Variants in SDK1 observed in about 807,000 individuals in gnomAD.
SDK1 encodes the protein sidekick cell adhesion molecule 1.
Under a neutral mutation model 245.5 loss-of-function variants are expected in SDK1, and 157 were observed. The observed-to-expected ratio is 0.64, with a 90% CI of 0.56 to 0.73. The LOEUF is 0.73. SDK1 is among the 30% of genes least tolerant of loss of function. The pLI, the probability that SDK1 is intolerant of heterozygous loss-of-function variation, is 0.00. For synonymous variants in SDK1, 1,647 were observed against 1,278.5 expected (o/e 1.29, Z -6.15); for missense variants, 3,583 against 3,002.3 (o/e 1.19, Z -4.52).
chr7:3,506,822 A>G (rs1291086292), intron 1 of SDK1, among the ~76,000 whole-genome samples: 2 of 150,144 alleles, frequency 1.3e-5, no homozygotes, highest in East Asian at 1.9e-4. Flanking sequence ...ATTTAAATAC[A>G]TTACATGTCT....
chr7:3,898,411 C>A (rs1254775641), intron 5 of SDK1, among the ~76,000 whole-genome samples: 1 of 152,158 alleles, frequency 6.6e-6, no homozygotes, highest in African/African-American at 2.4e-5. Context: ...CCCAAAGATT[C>A]TAACTAGCTT....
At chr7:3,753,827 T>G (rs17133785) in intron 4 of SDK1, among the ~76,000 whole-genome samples, 1,881 of 152,306 alleles carry the variant, frequency 0.012, 42 homozygotes, top group African/African-American at 0.043. Flanking sequence ...GTAGCTAGAA[T>G]TGAATACTTG....
intron 32 of SDK1, among the ~76,000 whole-genome samples, chr7:4,171,082 G>C (rs1318987317): frequency 2.6e-5 from 4 of 152,116 alleles, no homozygotes; most frequent in Non-Finnish European, 5.9e-5. Flanking sequence ...GGATTTTATT[G>C]TTTTCCTGGC....
intron 1 of SDK1, among the ~76,000 whole-genome samples, chr7:3,440,314 G>A (rs999632198): frequency 6.6e-6 from 1 of 152,182 alleles, no homozygotes; most frequent in Non-Finnish European, 1.5e-5. Flanking sequence ...AGTTCAGGTT[G>A]CTCAGTGCAA....
chr7:3,751,766 G>C (rs1217176156), intron 4 of SDK1, among the ~76,000 whole-genome samples: 1 of 152,166 alleles, frequency 6.6e-6, no homozygotes, highest in Non-Finnish European at 1.5e-5. Flanking sequence ...AGGTCACCTT[G>C]CCTGGTGATT....
chr7:3,427,475 T>A (rs1463776692), intron 1 of SDK1, among the ~76,000 whole-genome samples: 1 of 145,960 alleles, frequency 6.9e-6, no homozygotes, highest in African/African-American at 2.5e-5. Context: ...GCTGAGATTG[T>A]GCCATTGGAC....
At chr7:4,240,422 C>A (rs2128237872) in intron 42 of SDK1, among the ~76,000 whole-genome samples, 1 of 152,302 alleles carries the variant, frequency 6.6e-6, no homozygotes, top group Non-Finnish European at 1.5e-5. Flanking sequence ...TCCTCCCATC[C>A]TCGTCTGAAT....
intron 4 of SDK1, among the ~76,000 whole-genome samples, chr7:3,653,444 A>G (rs1442321256): frequency 1.3e-5 from 2 of 152,072 alleles, no homozygotes; most frequent in Non-Finnish European, 2.9e-5. Context: ...GATTGCATGG[A>G]GGGGCAGATC....
At position 3,301,756 on chromosome 7, in the gene SDK1, C is replaced by T. The variant is rs1384307756; in HGVS notation, c.170C>T (p.Thr57Ile). The T allele has an allele frequency of 4.1e-6, 4 of 984,086 alleles. No individual in the cohort carries two copies. The highest frequency in any genetic ancestry group is 3.5e-5 in the African/African-American group (2 of 56,452). 61.0% of individuals were successfully genotyped at this position (984,086 alleles called of 1,614,324 possible). A position where few individuals can be genotyped will look rare whatever the true frequency, so the allele number is the denominator to read the frequency against. Residue 57 changes from threonine to isoleucine, a missense_variant, in exon 1 of 45, where the codon ACC becomes ATC. Coordinates refer to ENST00000404826, the MANE Select transcript of SDK1 (RefSeq NM_152744.4). ...EPSRPRAAPE[T>I]SGGDTAGAGR... is the part of the protein sequence containing the mutation. ...TCGCGACCCCGGGCGGCGCCCGAGA[C>T]CTCCGGCGGGGACACGGCGGGCGCG...
chr7:3,579,441 T>C (rs2128632037), intron 1 of SDK1, among the ~76,000 whole-genome samples: 1 of 152,280 alleles, frequency 6.6e-6, no homozygotes, highest in Non-Finnish European at 1.5e-5. Flanking sequence ...ATTATCTCAA[T>C]AGGTGCAGAA....
rs565741863 is a variant in SDK1, at chr7:3,466,288, A to T, written c.299-152792A>T. On this transcript the variant is annotated intron_variant, in intron 1 of 44. Coordinates refer to ENST00000404826, the MANE Select transcript of SDK1 (RefSeq NM_152744.4). ...CGTGTTCTGCAGGCTCTGCCAAAAGACTTTGACCTCACAAGTGAGATGTTC... is the reference window on the plus strand; with the variant it reads ...CGTGTTCTGCAGGCTCTGCCAAAAGTCTTTGACCTCACAAGTGAGATGTTC... Among the ~76,000 whole-genome samples the T allele has an allele frequency of 2.0e-3, 308 of 151,622 alleles. 1 individual carries two copies. Among genetic ancestry groups the T allele is most frequent in the African/African-American group, 7.1e-3 (295 of 41,304 alleles).
At chr7:3,980,996 C>T (rs1783358513) in intron 13 of SDK1, among the ~76,000 whole-genome samples, 1 of 152,012 alleles carries the variant, frequency 6.6e-6, no homozygotes, top group African/African-American at 2.4e-5. Flanking sequence ...TAAGGCACGC[C>T]ATCTTCTATT....
At chr7:3,695,844 G>C (rs1201931946) in intron 4 of SDK1, among the ~76,000 whole-genome samples, 1 of 152,152 alleles carries the variant, frequency 6.6e-6, no homozygotes, top group Non-Finnish European at 1.5e-5. Context: ...TAATCACCTG[G>C]AAGTCATCAC....
chr7:3,315,504 A>C (rs1390114553), intron 1 of SDK1, among the ~76,000 whole-genome samples: 1 of 152,130 alleles, frequency 6.6e-6, no homozygotes, highest in Non-Finnish European at 1.5e-5. Flanking sequence ...ACATAGGGTC[A>C]CGCATGCACA....
chr7:3,692,602 A>T (rs990649335), intron 4 of SDK1, among the ~76,000 whole-genome samples: 2 of 152,078 alleles, frequency 1.3e-5, no homozygotes, highest in Non-Finnish European at 2.9e-5. Context: ...AACTGATGTG[A>T]TAAAAATATA....
chr7:4,069,177 A>G (rs1780085794), intron 20 of SDK1, among the ~76,000 whole-genome samples: 1 of 152,192 alleles, frequency 6.6e-6, no homozygotes, highest in Non-Finnish European at 1.5e-5. Context: ...TCACTCTAAG[A>G]GCCTCAGCAG....
At chr7:4,060,032 A>C (rs1453530125) in intron 19 of SDK1, among the ~76,000 whole-genome samples, 1 of 151,808 alleles carries the variant, frequency 6.6e-6, no homozygotes, top group Non-Finnish European at 1.5e-5. Context: ...GGCGCCCACC[A>C]CCACACCTAG....
intron 12 of SDK1, among the ~76,000 whole-genome samples, chr7:3,973,596 A>G (rs1384990027): frequency 6.6e-6 from 1 of 152,124 alleles, no homozygotes; most frequent in Non-Finnish European, 1.5e-5. Flanking sequence ...TGAGTTGGGC[A>G]ATTCCACTCT....
chr7:3,978,368 C>G (rs1278705194), intron 13 of SDK1, among the ~76,000 whole-genome samples: 1 of 152,160 alleles, frequency 6.6e-6, no homozygotes, highest in African/African-American at 2.4e-5. Context: ...AAGTAAAATA[C>G]ATTTTTCAGC....
Sources: gnomAD v4.1 joint callset for allele counts (sites outside exome capture counted in the v4.1 genomes callset) on GRCh38, gnomAD v4.1.1 for gene constraint, MANE v1.5 for transcripts, NCBI Gene and HGNC (gene_info 2026-07-23, HGNC 2026-07-21) for gene names.